Variants in TMEM266 observed in about 807,000 individuals in gnomAD.
TMEM266 encodes the protein transmembrane protein 266.
A neutral mutation model predicts 50.5 loss-of-function variants in TMEM266; 33 were observed. The ratio of observed to expected loss-of-function variants is 0.65; its 90% CI spans 0.50 to 0.87. TMEM266 has a LOEUF of 0.87. Among genes scored for constraint, TMEM266 ranks in the 40% least tolerant of loss-of-function variants. The pLI, the probability that TMEM266 is intolerant of heterozygous loss-of-function variation, is 0.00. For missense variants in TMEM266, 655 were observed against 695.1 expected (o/e 0.94, Z 0.65); for synonymous variants, 310 against 292.3 (o/e 1.06, Z -0.62).
intron 1 of TMEM266, among the ~76,000 whole-genome samples, chr15:76,125,608 G>A (rs534354269): frequency 6.6e-6 from 1 of 152,190 alleles, no homozygotes; most frequent in South Asian, 2.1e-4. Context: ...AGCACTTTGG[G>A]AGGCCCAGGT....
chr15:76,093,237 A>G (rs2036876673), intron 1 of TMEM266, among the ~76,000 whole-genome samples: 1 of 151,894 alleles, frequency 6.6e-6, no homozygotes, highest in Admixed American at 6.6e-5. Context: ...TGCTGCACCC[A>G]TCAACCTGTC....
rs915478882 is a variant in TMEM266 at position 76,139,726 on chromosome 15, C to T, written c.227+1831C>T. ...CATGCCCTAGCTATTTCGGAGAATTCATTTCCTGCCCCCGGCCTGAGCCTG... is the reference window on the plus strand; with the variant it reads ...CATGCCCTAGCTATTTCGGAGAATTTATTTCCTGCCCCCGGCCTGAGCCTG... On this transcript the variant is annotated intron_variant, in intron 3 of 10. Transcript: ENST00000388942. The surrounding 1 kb of genome is among the most constrained non-coding windows in gnomAD (Gnocchi z 4.1). Among the ~76,000 whole-genome samples, 3 of 152,222 alleles carry T rather than the reference C, an allele frequency of 2.0e-5. No homozygotes were observed. Among genetic ancestry groups the T allele is most frequent in the African/African-American group, 7.2e-5 (3 of 41,462 alleles).
At chr15:76,119,923 G>A (rs1371490702) in intron 1 of TMEM266, among the ~76,000 whole-genome samples, 1 of 152,140 alleles carries the variant, frequency 6.6e-6, no homozygotes, top group African/African-American at 2.4e-5. Flanking sequence ...AGTGCTCTGT[G>A]GGGAAGAGGG....
At chr15:76,107,128 T>G (rs2037094274) in intron 1 of TMEM266, among the ~76,000 whole-genome samples, 1 of 152,222 alleles carries the variant, frequency 6.6e-6, no homozygotes, top group African/African-American at 2.4e-5. Context: ...TTTTAAAAAG[T>G]GAAAAGAAAC....
chr15:76,118,928 T>C (rs1048682828), intron 1 of TMEM266, among the ~76,000 whole-genome samples: 4 of 152,132 alleles, frequency 2.6e-5, no homozygotes, highest in African/African-American at 9.7e-5. Flanking sequence ...ACTCCTAGCT[T>C]AAAGCAGGCC....
intron 1 of TMEM266, among the ~76,000 whole-genome samples, chr15:76,115,866 C>G (rs2037239029): frequency 1.3e-5 from 2 of 152,246 alleles, no homozygotes; most frequent in South Asian, 2.1e-4. Flanking sequence ...CTCTGCCAAC[C>G]AGATGAAGCT....
chr15:76,063,254 TATG>T (rs1037079883), intron 1 of TMEM266, among the ~76,000 whole-genome samples: 22 of 152,334 alleles, frequency 1.4e-4, no homozygotes, highest in African/African-American at 5.1e-4. Flanking sequence ...CAACTGTTTA[TATG>T]ATAAGAAGTG....
At chr15:76,194,836 A>T (rs903473363) in intron 9 of TMEM266, among the ~76,000 whole-genome samples, 3 of 152,142 alleles carry the variant, frequency 2.0e-5, no homozygotes, top group South Asian at 2.1e-4. Flanking sequence ...GACATCTGCA[A>T]CCGCTTTCTT....
chr15:76,060,436 A>G (rs1286511968), intron 1 of TMEM266, among the ~76,000 whole-genome samples: 2 of 152,050 alleles, frequency 1.3e-5, no homozygotes, highest in African/African-American at 4.8e-5. Context: ...CAGACGTGGT[A>G]TAGAGGTGGA....
At chr15:76,126,374 CATATATATAT>C (rs61446223) in intron 1 of TMEM266, among the ~76,000 whole-genome samples, 47,737 of 137,744 alleles carry the variant, frequency 0.35, 9,239 homozygotes, top group East Asian at 0.67. Context: ...CACCCACAGA[CATATATATAT>C]ATATATATAT....
intron 8 of TMEM266, among the ~76,000 whole-genome samples, chr15:76,183,863 C>T (rs1043565658): frequency 2.0e-5 from 3 of 152,200 alleles, no homozygotes; most frequent in Non-Finnish European, 2.9e-5. Context: ...GTCACGCCCC[C>T]CCTCCATCCC....
At position 76,138,682 on chromosome 15, in the gene TMEM266, C is replaced by T. The variant is rs533433441; in HGVS notation, c.227+787C>T. 3.2e-4 allele frequency among the ~76,000 whole-genome samples: 49 copies of T among 152,376 alleles called. 2 individuals are homozygous for T. In the South Asian group the frequency reaches 9.7e-3, roughly 30 times the overall value. ...CTAGAGAATTCGGCTAGGAGCTCTG[C>T]AGACATTAGGGCTCTCCCTTTCCAG... is the stretch of plus-strand genomic sequence containing the variant. On this transcript the variant is annotated intron_variant, in intron 3 of 10. Coordinates refer to ENST00000388942, the MANE Select transcript of TMEM266 (RefSeq NM_152335.3).
chr15:76,201,801 C>T (rs1238438467), intron 9 of TMEM266, among the ~76,000 whole-genome samples: 2 of 152,216 alleles, frequency 1.3e-5, no homozygotes, highest in Non-Finnish European at 2.9e-5. Context: ...AATGGGATTT[C>T]AGGGCTTCTT....
intron 1 of TMEM266, among the ~76,000 whole-genome samples, chr15:76,123,534 T>A (rs2037374300): frequency 6.6e-6 from 1 of 152,192 alleles, no homozygotes; most frequent in South Asian, 2.1e-4. Context: ...ATTTGGCCAG[T>A]CTTGTTTAGG....
At chr15:76,120,633 C>G (rs2037326162) in intron 1 of TMEM266, among the ~76,000 whole-genome samples, 1 of 151,616 alleles carries the variant, frequency 6.6e-6, no homozygotes, top group African/African-American at 2.4e-5. Flanking sequence ...TGGTAGCATG[C>G]CCCTGTGGTC....
At chr15:76,136,643 T>G (rs2037593135) in intron 2 of TMEM266, among the ~76,000 whole-genome samples, 1 of 152,166 alleles carries the variant, frequency 6.6e-6, no homozygotes, top group African/African-American at 2.4e-5. Flanking sequence ...CTCTCATTGT[T>G]TGGACAGAGG....
chr15:76,060,766 G>A (rs2036285835), intron 1 of TMEM266, among the ~76,000 whole-genome samples: 1 of 152,158 alleles, frequency 6.6e-6, no homozygotes, highest in African/African-American at 2.4e-5. Context: ...ACTAAAGCTA[G>A]CCACCTGTTG....
In TMEM266 at chr15:76,131,825, G is replaced by T. The variant is rs143278437; in HGVS notation, c.-96-2343G>T. Among the ~76,000 whole-genome samples the T allele has an allele frequency of 2.6e-3, 390 of 152,252 alleles. 1 individual carries two copies. Among genetic ancestry groups the T allele is most frequent in the African/African-American group, 9.0e-3 (372 of 41,530 alleles). ...CAAACATCTGGTGTGGATATGATTG[G>T]TGGCTTCCTCCTTGGCTGCCCTTCT... is the stretch of plus-strand genomic sequence containing the variant. On this transcript the variant is annotated intron_variant, in intron 1 of 10. Coordinates refer to ENST00000388942, the MANE Select transcript of TMEM266 (RefSeq NM_152335.3).
At chr15:76,202,685 G>GA (rs569624214) in intron 10 of TMEM266, among the ~76,000 whole-genome samples, 8 of 152,028 alleles carry the variant, frequency 5.3e-5, no homozygotes, top group Non-Finnish European at 8.8e-5. Context: ...TCTTGCACTT[G>GA]AAAAAAACCT....
Sources: gnomAD v4.1 joint callset for allele counts (sites outside exome capture counted in the v4.1 genomes callset) on GRCh38, gnomAD v4.1.1 for gene constraint, Gnocchi (gnomAD v3.1) non-coding constraint, MANE v1.5 for transcripts, NCBI Gene and HGNC (gene_info 2026-07-23, HGNC 2026-07-21) for gene names.